The following TRIM55 variants were observed in gnomAD, a reference collection of about 807,000 sequenced individuals.
TRIM55 encodes the protein tripartite motif containing 55.
In TRIM55, 50 loss-of-function variants were observed where a neutral mutation model predicts 60.9. The ratio of observed to expected loss-of-function variants is 0.82; its 90% confidence interval spans 0.65 to 1.04. TRIM55 has a LOEUF of 1.04. Among genes scored for constraint, TRIM55 ranks in the 50% least tolerant of loss-of-function variants. The pLI, the probability that TRIM55 is intolerant of heterozygous loss-of-function variation, is 0.00. For missense variants in TRIM55, 681 were observed against 666.9 expected (o/e 1.02, Z -0.23); for synonymous variants, 237 against 238.1 (o/e 1.00, Z 0.04).
intron 9 of TRIM55, among the ~76,000 whole-genome samples, chr8:66,164,431 G>A (rs1014042168): frequency 4.6e-5 from 7 of 152,136 alleles, no homozygotes; most frequent in Non-Finnish European, 8.8e-5. Flanking sequence ...TGACATACCT[G>A]TGCCCTAGTT....
chr8:66,120,592 C>G, the TRIM55 span, among the ~76,000 whole-genome samples: 1 of 152,138 alleles, frequency 6.6e-6, no homozygotes, highest in Admixed American at 6.5e-5. Flanking sequence ...CCCATAAGAA[C>G]TCTGGACACA....
At chr8:66,140,842 A>C (rs1203338063) in intron 4 of TRIM55, among the ~76,000 whole-genome samples, 1 of 152,164 alleles carries the variant, frequency 6.6e-6, no homozygotes, top group African/African-American at 2.4e-5. Context: ...ATGTTCTGAG[A>C]AGCTATGAGT....
upstream of TRIM55, among the ~76,000 whole-genome samples, chr8:66,125,380 C>A (rs116698172): frequency 7.8e-3 from 1,182 of 152,302 alleles, 17 homozygotes; most frequent in African/African-American, 0.027. Flanking sequence ...ATACCCAGAG[C>A]CTCACACAAT....
At chr8:66,143,774 T>C (rs1472210190) in intron 4 of TRIM55, among the ~76,000 whole-genome samples, 1 of 152,234 alleles carries the variant, frequency 6.6e-6, no homozygotes, top group African/African-American at 2.4e-5. Flanking sequence ...TGCCATGTTC[T>C]GTACACATAA....
At chr8:66,155,345 T>A (rs1810678802) in intron 9 of TRIM55, among the ~76,000 whole-genome samples, 1 of 152,190 alleles carries the variant, frequency 6.6e-6, no homozygotes. Context: ...TTTTCACAGA[T>A]AAAATGACAA....
intron 1 of TRIM55, 116 bp downstream of exon 1, chr8:66,127,552 C>A (rs915697317): frequency 2.4e-6 from 3 of 1,273,630 alleles, no homozygotes; most frequent in Non-Finnish European, 3.3e-6. Flanking sequence ...GGTTGCCGGG[C>A]GCTTTGGCTC....
chr8:66,152,565 C>A lies in TRIM55; in HGVS notation c.1174C>A (p.Pro392Thr), dbSNP rs200545859. The change falls in exon 8 of 10, where the codon CCA becomes ACA. Residue 392 changes from proline (P) to threonine (T), a missense_variant. Pro to Thr is a conservative substitution (Grantham distance 38). Coordinates refer to ENST00000315962, the MANE Select transcript of TRIM55 (RefSeq NM_184085.2). Reference sequence around the variant, plus strand: ...GCTGCAGGCTGCCCCTGGGGCACTTCCAGTTTCCTCTCCAGAGCCACCTCC... The same window carrying A: ...GCTGCAGGCTGCCCCTGGGGCACTTACAGTTTCCTCTCCAGAGCCACCTCC... ...VELQAAPGAL[P>T]VSSPEPPPAL... The A allele has an allele frequency of 3.3e-5, 53 of 1,614,154 alleles. No individual in the cohort carries two copies. The East Asian group carries it at 5.6e-4, about 17-fold the overall frequency.
At chr8:66,120,239 C>T in the TRIM55 span, among the ~76,000 whole-genome samples, 1 of 152,084 alleles carries the variant, frequency 6.6e-6, no homozygotes, top group African/African-American at 2.4e-5. Flanking sequence ...TCCTCTCTTC[C>T]CTAGATGAAA....
At chr8:66,119,841 C>T in the TRIM55 span, among the ~76,000 whole-genome samples, 3 of 152,268 alleles carry the variant, frequency 2.0e-5, no homozygotes, top group East Asian at 3.9e-4. Flanking sequence ...TAAATTAATA[C>T]AGTTTAAAAT....
At chr8:66,113,956 A>G in the TRIM55 span, among the ~76,000 whole-genome samples, 2 of 152,022 alleles carry the variant, frequency 1.3e-5, no homozygotes, top group African/African-American at 4.8e-5. Flanking sequence ...TGTTATGGAG[A>G]CAAGGCGGCA....
At chr8:66,121,191 C>T in the TRIM55 span, among the ~76,000 whole-genome samples, 1 of 152,204 alleles carries the variant, frequency 6.6e-6, no homozygotes, top group Non-Finnish European at 1.5e-5. Context: ...CCAGACATAC[C>T]TGGGAGACTG....
chr8:66,151,557 A>C (rs1339881968), intron 7 of TRIM55, among the ~76,000 whole-genome samples: 6 of 152,192 alleles, frequency 3.9e-5, no homozygotes. Flanking sequence ...GGGAATATTA[A>C]GATCAGTGGG....
chr8:66,136,180 G>A (rs190948998), intron 3 of TRIM55, among the ~76,000 whole-genome samples: 80 of 152,198 alleles, frequency 5.3e-4, no homozygotes, highest in African/African-American at 1.8e-3. Flanking sequence ...CCAAAGCATA[G>A]CATAATAGAA....
intron 9 of TRIM55, chr8:66,155,602 T>G: frequency 3.3e-6 from 5 of 1,509,804 alleles, no homozygotes; most frequent in Non-Finnish European, 4.5e-6. Context: ...TCAGTGAAGC[T>G]TTCTTCTTGT....
At chr8:66,124,178 G>A (rs183407413), upstream of TRIM55, among the ~76,000 whole-genome samples, 15 of 152,172 alleles carry the variant, frequency 9.9e-5, no homozygotes, top group South Asian at 2.1e-4. Flanking sequence ...AGGGCTTCGC[G>A]ACCTCTCACC....
chr8:66,136,587 T>A (rs1809494126), intron 3 of TRIM55, among the ~76,000 whole-genome samples: 2 of 152,172 alleles, frequency 1.3e-5, no homozygotes, highest in African/African-American at 4.8e-5. Context: ...AGCAAAGGAA[T>A]TTAAAAGTTG....
chr8:66,152,361 T>C lies in TRIM55; in HGVS notation c.986-16T>C, dbSNP rs1480036868. 2 of 1,557,214 alleles carry C rather than the reference T, an allele frequency of 1.3e-6. No homozygotes were observed. The highest frequency in any genetic ancestry group is 8.7e-7 in the Non-Finnish European group (1 of 1,152,610). ...GAGATAGTTATAACAATTTACAAGA[T>C]ACCTTACCTTACCAGAAGATGAAGA... is the stretch of plus-strand genomic sequence containing the variant. On this transcript the variant is annotated splice_polypyrimidine_tract_variant and intron_variant, in intron 7 of 9. Coordinates refer to ENST00000315962, the MANE Select transcript of TRIM55 (RefSeq NM_184085.2).
chr8:66,143,993 T>A (rs552851576), intron 4 of TRIM55, among the ~76,000 whole-genome samples: 15 of 152,346 alleles, frequency 9.8e-5, no homozygotes, highest in Non-Finnish European at 2.1e-4. Context: ...TCTCTTTTAA[T>A]GTAAGGTCAT....
chr8:66,153,922 C>T, intron 8 of TRIM55, 125 bp from the exon 9 acceptor site: 2 of 916,854 alleles, frequency 2.2e-6, no homozygotes, highest in Non-Finnish European at 3.2e-6. Flanking sequence ...CTAAAACGGC[C>T]ACCAAGGCAC....
Sources: allele counts gnomAD v4.1 joint callset (sites outside exome capture counted in the v4.1 genomes callset), GRCh38; gene constraint gnomAD v4.1.1; transcripts MANE v1.5; gene names NCBI Gene and HGNC (gene_info 2026-07-23, HGNC 2026-07-21).